Variants in CPLX4 observed in about 807,000 individuals in gnomAD.
CPLX4 encodes complexin 4.
In CPLX4, 17 loss-of-function variants were observed where a neutral mutation model predicts 16.1. That is an observed-to-expected ratio of 1.06 (90% CI 0.72 to 1.59). The LOEUF (loss-of-function observed/expected upper bound fraction) is 1.59. Among genes scored for constraint, CPLX4 ranks in the 40% most tolerant of loss-of-function variants. CPLX4 has a pLI of 0.00. For synonymous variants in CPLX4, 55 were observed against 57.8 expected, an observed-to-expected ratio of 0.95 and a Z score of 0.22; for missense variants, 193 against 192.9, an observed-to-expected ratio of 1.00 and a Z score of 0.00.
Position 59,318,520 on chromosome 18 carries a change from C to T in CPLX4, c.-58G>A. ...CAGACAAAAGCTGAAAAAAAAAATC[C>T]AAACAAACCCAAGAGAAAACCTCCA... On this transcript the variant is annotated 5_prime_UTR_variant, in exon 1 of 3. Coordinates refer to ENST00000299721, the MANE Select transcript of CPLX4 (RefSeq NM_181654.4). The T allele has an allele frequency of 1.3e-6, 2 of 1,546,592 alleles. No homozygotes were observed. The highest frequency in any genetic ancestry group is 1.7e-6 in the Non-Finnish European group (2 of 1,154,484).
intron 2 of CPLX4, among the ~76,000 whole-genome samples, chr18:59,311,965 C>G (rs1318164407): frequency 6.6e-6 from 1 of 152,146 alleles, no homozygotes; most frequent in Non-Finnish European, 1.5e-5. Flanking sequence ...AACCAGCAAG[C>G]GATGGTTCCT....
intron 2 of CPLX4, among the ~76,000 whole-genome samples, chr18:59,303,993 T>A (rs2070558843): frequency 6.6e-6 from 1 of 152,240 alleles, no homozygotes; most frequent in Non-Finnish European, 1.5e-5. Flanking sequence ...CAAGAGCTCC[T>A]AATCTGAAGG....
intron 2 of CPLX4, among the ~76,000 whole-genome samples, chr18:59,309,814 C>A (rs1401112992): frequency 2.7e-5 from 3 of 109,986 alleles, no homozygotes; most frequent in Non-Finnish European, 5.1e-5. Context: ...CAGAGTGAGA[C>A]TCTGTGTCAA....
rs1160637168 is a variant in CPLX4 at position 59,312,915 on chromosome 18, A to G, written c.168-143T>C. 2.7e-5 allele frequency: 14 copies of G among 515,634 alleles called. No homozygotes were observed. The South Asian group carries it at 3.2e-4, about 12-fold the overall frequency. The allele number at this position is 515,634 out of a possible 1,614,324, so 31.9% of individuals were successfully genotyped here. A position where few individuals can be genotyped will look rare whatever the true frequency, so the allele number is the denominator to read the frequency against. Reference sequence around the variant, plus strand: ...TTGGGAACTATGGGATTTTTTTCCTAGGTCCCCAAACGTCTGCCTCTCTGT... The same window carrying G: ...TTGGGAACTATGGGATTTTTTTCCTGGGTCCCCAAACGTCTGCCTCTCTGT... On this transcript the variant is annotated intron_variant, in intron 1 of 2. Transcript: ENST00000299721.
chr18:59,301,989 C>T (rs2070544879), intron 2 of CPLX4, among the ~76,000 whole-genome samples: 1 of 152,198 alleles, frequency 6.6e-6, no homozygotes, highest in African/African-American at 2.4e-5. Context: ...GAGGGCAGCT[C>T]AGTGTCAAGA....
intron 1 of CPLX4, among the ~76,000 whole-genome samples, chr18:59,313,801 T>G (rs1254546608): frequency 2.0e-5 from 3 of 152,160 alleles, no homozygotes; most frequent in Admixed American, 6.5e-5. Flanking sequence ...ATAGAAGCAA[T>G]GGTAAGAGAT....
chr18:59,318,182 G>A, intron 1 of CPLX4, 114 bp downstream of exon 1: 16 of 1,447,158 alleles, frequency 1.1e-5, no homozygotes, highest in Non-Finnish European at 1.5e-5. Flanking sequence ...GAGGTAAACG[G>A]CAAAAGGAAA....
chr18:59,310,399 A>AT (rs1568106577), intron 2 of CPLX4, among the ~76,000 whole-genome samples: 1 of 151,658 alleles, frequency 6.6e-6, no homozygotes, highest in African/African-American at 2.4e-5. Context: ...TTTAAGAATT[A>AT]TTTTTCTTGG....
intron 1 of CPLX4, among the ~76,000 whole-genome samples, chr18:59,314,092 G>C (rs2070636463): frequency 6.6e-6 from 1 of 152,174 alleles, no homozygotes; most frequent in African/African-American, 2.4e-5. Context: ...CCTGGGCTCA[G>C]GTGCTCTCTG....
In CPLX4 at chr18:59,316,980, A is replaced by G. The variant is rs549008404; in HGVS notation, c.167+1316T>C. On this transcript the variant is annotated intron_variant, in intron 1 of 2. Coordinates refer to ENST00000299721, the MANE Select transcript of CPLX4 (RefSeq NM_181654.4). ...TGCATGCCATAGGTAAAATCAGCCA[A>G]TATTCAAGGAATGCTGCTTCTTTTG... 1.4e-3 allele frequency among the ~76,000 whole-genome samples: 214 copies of G among 152,246 alleles called. 1 individual carries two copies. The highest frequency in any genetic ancestry group is 8.8e-5 in the Non-Finnish European group (6 of 67,986).
chr18:59,318,519 C>A lies in CPLX4; in HGVS notation c.-57G>T. Reference sequence around the variant, plus strand: ...TCAGACAAAAGCTGAAAAAAAAAATCCAAACAAACCCAAGAGAAAACCTCC... The same window carrying A: ...TCAGACAAAAGCTGAAAAAAAAAATACAAACAAACCCAAGAGAAAACCTCC... On this transcript the variant is annotated 5_prime_UTR_variant, in exon 1 of 3. Coordinates refer to ENST00000299721, the MANE Select transcript of CPLX4 (RefSeq NM_181654.4). The A allele has an allele frequency of 1.3e-6, 2 of 1,543,514 alleles. No individual in the cohort carries two copies. Among genetic ancestry groups the A allele is most frequent in the South Asian group, 2.5e-5 (2 of 79,940 alleles).
chr18:59,297,011 G>A, intron 2 of CPLX4, 86 bp from the exon 3 acceptor site: 6 of 1,507,876 alleles, frequency 4.0e-6, no homozygotes, highest in Non-Finnish European at 5.3e-6. Context: ...GCAGGAAAAG[G>A]TCTTTAGAGA....
At chr18:59,318,157 C>T (rs991284556) in intron 1 of CPLX4, 139 bp downstream of exon 1, 1 of 1,387,388 alleles carries the variant, frequency 7.2e-7, no homozygotes, top group Non-Finnish European at 9.4e-7. Context: ...AGAAGAACAA[C>T]CTTTCCTTGG....
At position 59,296,578 on chromosome 18, in the gene CPLX4, G is replaced by A; in HGVS notation, c.*120C>T. ...ACAACCAAATTATTGTCTGTCAATG[G>A]ATCATCGTGGTTTTCCTAACTGTGT... On this transcript the variant is annotated 3_prime_UTR_variant, in exon 3 of 3. Transcript: ENST00000299721. 4.9e-6 allele frequency: 5 copies of A among 1,016,372 alleles called. No individual in the cohort carries two copies. Among genetic ancestry groups the A allele is most frequent in the Non-Finnish European group, 7.3e-6 (5 of 681,906 alleles). 63.0% of individuals were successfully genotyped at this position (1,016,372 alleles called of 1,614,324 possible). A position where few individuals can be genotyped will look rare whatever the true frequency, so the allele number is the denominator to read the frequency against.
chr18:59,300,661 G>T (rs1201142104), intron 2 of CPLX4, among the ~76,000 whole-genome samples: 1 of 152,206 alleles, frequency 6.6e-6, no homozygotes, highest in African/African-American at 2.4e-5. Context: ...AGGTTAATTA[G>T]ATGGTAACTG....
At chr18:59,315,660 T>A (rs1046178489) in intron 1 of CPLX4, among the ~76,000 whole-genome samples, 1 of 152,228 alleles carries the variant, frequency 6.6e-6, no homozygotes, top group Non-Finnish European at 1.5e-5. Context: ...AAAAGCTTTA[T>A]AATTTTGGCT....
chr18:59,312,959 A>G (rs140925644), intron 1 of CPLX4, among the ~76,000 whole-genome samples, 187 bp from the exon 2 acceptor site: 88 of 152,182 alleles, frequency 5.8e-4, no homozygotes, highest in African/African-American at 1.9e-3. Context: ...CTACTGTCAT[A>G]ACTTTCAGTA....
intron 1 of CPLX4, among the ~76,000 whole-genome samples, chr18:59,315,421 T>C (rs1334451247): frequency 2.0e-5 from 3 of 152,202 alleles, no homozygotes; most frequent in Non-Finnish European, 2.9e-5. Context: ...TCATATTTCC[T>C]AGATTCCAGT....
intron 2 of CPLX4, among the ~76,000 whole-genome samples, chr18:59,298,724 G>A (rs990253232): frequency 6.6e-6 from 1 of 152,100 alleles, no homozygotes; most frequent in Non-Finnish European, 1.5e-5. Flanking sequence ...CAGCACACCA[G>A]GTAACCTGGA....
Sources: allele counts gnomAD v4.1 joint callset (sites outside exome capture counted in the v4.1 genomes callset), GRCh38; gene constraint gnomAD v4.1.1; transcripts MANE v1.5; gene names NCBI Gene and HGNC (gene_info 2026-07-23, HGNC 2026-07-21).